The following MIS18A variants were observed in gnomAD, a reference collection of about 807,000 sequenced individuals.
MIS18A encodes protein Mis18-alpha.
In MIS18A, 14 loss-of-function variants were observed where a neutral mutation model predicts 25.0. The observed-to-expected ratio is 0.56, with a 90% CI of 0.37 to 0.88. The LOEUF is 0.88. Among genes scored for constraint, MIS18A ranks in the 40% least tolerant of loss-of-function variants. The pLI is 0.00. For synonymous variants in MIS18A, 134 were observed against 118.6 expected, an observed-to-expected ratio of 1.13 and a Z score of -0.84; for missense variants, 292 against 290.8, an observed-to-expected ratio of 1.00 and a Z score of -0.03.
chr21:32,241,618 G>GGA, the MIS18A span, among the ~76,000 whole-genome samples: 1 of 152,168 alleles, frequency 6.6e-6, no homozygotes, highest in Non-Finnish European at 1.5e-5. Flanking sequence ...AAGCAGAGAT[G>GGA]TAAGAAATTA....
the MIS18A span, among the ~76,000 whole-genome samples, chr21:32,247,518 T>C: frequency 6.6e-6 from 1 of 152,218 alleles, no homozygotes; most frequent in Non-Finnish European, 1.5e-5. Flanking sequence ...TGGGCTGAAT[T>C]GTGGGCCACA....
chr21:32,241,918 G>A, the MIS18A span, among the ~76,000 whole-genome samples: 4 of 151,998 alleles, frequency 2.6e-5, no homozygotes, highest in African/African-American at 4.8e-5. Context: ...TCGCTCTGTC[G>A]CCCAGGCTGG....
chr21:32,191,830 G>A, the MIS18A span, among the ~76,000 whole-genome samples: 2 of 151,944 alleles, frequency 1.3e-5, no homozygotes, highest in African/African-American at 2.4e-5. Flanking sequence ...GCTTCAACCC[G>A]GGAGGTGGAG....
the MIS18A span, among the ~76,000 whole-genome samples, chr21:32,169,526 C>G: frequency 2.0e-5 from 3 of 152,046 alleles, no homozygotes; most frequent in African/African-American, 7.2e-5. Context: ...TCTAAAAGGC[C>G]ATGAGCATGG....
chr21:32,257,653 G>A, the MIS18A span, among the ~76,000 whole-genome samples: 4 of 151,986 alleles, frequency 2.6e-5, no homozygotes, highest in East Asian at 1.9e-4. Context: ...GGAAACCTAC[G>A]GAGCATCCTA....
chr21:32,273,669 G>C (rs2031755177), intron 2 of MIS18A, among the ~76,000 whole-genome samples: 3 of 152,094 alleles, frequency 2.0e-5, no homozygotes, highest in Non-Finnish European at 1.5e-5. Context: ...CTAATGTGAT[G>C]GTATTGGGAG....
At chr21:32,164,218 TCA>T in the MIS18A span, among the ~76,000 whole-genome samples, 1 of 151,960 alleles carries the variant, frequency 6.6e-6, no homozygotes, top group Non-Finnish European at 1.5e-5. Flanking sequence ...ATAGCAGTGG[TCA>T]ACAAGATAAG....
rs775166588 is a variant in MIS18A, at chr21:32,269,121, T to A, written c.622-4A>T. 1.9e-6 allele frequency: 3 copies of A among 1,581,842 alleles called. No individual in the cohort carries two copies. The Admixed American group carries it at 5.2e-5, about 28-fold the overall frequency. On this transcript the variant is annotated splice_region_variant and splice_polypyrimidine_tract_variant and intron_variant, in intron 4 of 4. Transcript: ENST00000290130. ...ATGCTTTCAAGACATCTTCCATCTA[T>A]TGAATTTAAAAAATAAAAAAATAAA...
chr21:32,208,292 G>A, the MIS18A span, among the ~76,000 whole-genome samples: 1 of 152,176 alleles, frequency 6.6e-6, no homozygotes, highest in Non-Finnish European at 1.5e-5. Context: ...CCTGGTGGGA[G>A]GTGACTGGAC....
chr21:32,168,303 CA>C, the MIS18A span, among the ~76,000 whole-genome samples: 2 of 152,066 alleles, frequency 1.3e-5, no homozygotes, highest in Non-Finnish European at 2.9e-5. Flanking sequence ...CCCAAGCAGA[CA>C]AAAACATATG....
downstream of MIS18A, among the ~76,000 whole-genome samples, chr21:32,267,731 C>A (rs2031631085): frequency 6.6e-6 from 1 of 152,174 alleles, no homozygotes; most frequent in South Asian, 2.1e-4. Context: ...CAAGGTGCCA[C>A]CAAAGCACCT....
the MIS18A span, among the ~76,000 whole-genome samples, chr21:32,220,625 T>C: frequency 6.6e-6 from 1 of 152,082 alleles, no homozygotes; most frequent in South Asian, 2.1e-4. Context: ...AGATGGAGAA[T>C]GAGTTTGACA....
At chr21:32,178,695 C>T in the MIS18A span, among the ~76,000 whole-genome samples, 7 of 152,106 alleles carry the variant, frequency 4.6e-5, no homozygotes, top group Non-Finnish European at 7.4e-5. Context: ...GTACTCTTTC[C>T]TTATCCTATT....
At chr21:32,247,693 T>C in the MIS18A span, among the ~76,000 whole-genome samples, 1 of 152,068 alleles carries the variant, frequency 6.6e-6, no homozygotes, top group East Asian at 1.9e-4. Context: ...GACCCATACA[T>C]GGAGGAAAAA....
chr21:32,179,970 A>G, the MIS18A span, among the ~76,000 whole-genome samples: 1 of 152,220 alleles, frequency 6.6e-6, no homozygotes. Flanking sequence ...CTCTTTCTTC[A>G]GGAACACAGG....
At chr21:32,184,823 A>T in the MIS18A span, among the ~76,000 whole-genome samples, 2 of 151,350 alleles carry the variant, frequency 1.3e-5, no homozygotes, top group Admixed American at 6.6e-5. Context: ...ACTCATTGCC[A>T]CTCTCTCCTT....
chr21:32,266,494 G>C (rs542377888), downstream of MIS18A, among the ~76,000 whole-genome samples: 38 of 152,302 alleles, frequency 2.5e-4, no homozygotes, highest in African/African-American at 8.7e-4. Flanking sequence ...GGTCCACGCT[G>C]CTTTTATGAG....
the MIS18A span, among the ~76,000 whole-genome samples, chr21:32,204,928 C>T: frequency 5.2e-4 from 79 of 152,154 alleles, no homozygotes; most frequent in Middle Eastern, 3.4e-3. Flanking sequence ...CAACCCTAGA[C>T]TATAACTATC....
the MIS18A span, among the ~76,000 whole-genome samples, chr21:32,238,357 GTC>G: frequency 6.6e-6 from 1 of 152,152 alleles, no homozygotes; most frequent in Admixed American, 6.5e-5. Context: ...AGTCCAAGAA[GTC>G]TCTCAGGGAT....
Sources: allele counts gnomAD v4.1 joint callset (sites outside exome capture counted in the v4.1 genomes callset), GRCh38; gene constraint gnomAD v4.1.1; transcripts MANE v1.5; gene names NCBI Gene and HGNC (gene_info 2026-07-23, HGNC 2026-07-21).